Variants in MLKL observed in about 807,000 individuals in gnomAD.
MLKL encodes mixed lineage kinase domain-like protein.
A neutral mutation model predicts 56.5 loss-of-function variants in MLKL; 55 were observed. The observed-to-expected ratio is 0.97, with a 90% CI of 0.78 to 1.22. The LOEUF is 1.22. Ranked by LOEUF, MLKL falls within the 50% of genes most tolerant of loss-of-function variation. MLKL has a pLI of 0.00. For synonymous variants in MLKL, 251 were observed against 208.3 expected (o/e 1.20, Z -1.76); for missense variants, 694 against 573.9 (o/e 1.21, Z -2.14).
At chr16:74,693,754 C>T (rs931979347) in intron 2 of MLKL, among the ~76,000 whole-genome samples, 2 of 151,978 alleles carry the variant, frequency 1.3e-5, no homozygotes, top group Non-Finnish European at 2.9e-5. Context: ...CAGGCGCCCA[C>T]CACCTCGCCC....
At chr16:74,693,453 C>CAAA (rs71158538) in intron 2 of MLKL, among the ~76,000 whole-genome samples, 450 of 35,358 alleles carry the variant, frequency 0.013, 13 homozygotes, top group African/African-American at 0.046. Context: ...GACTCTGTCT[C>CAAA]AAAAAAAAAA....
At chr16:74,687,367 T>G (rs1172192121) in intron 4 of MLKL, among the ~76,000 whole-genome samples, 2 of 152,082 alleles carry the variant, frequency 1.3e-5, no homozygotes, top group African/African-American at 4.8e-5. Flanking sequence ...ATTTTCCAAA[T>G]TGACCTACAG....
At chr16:74,683,806 A>G (rs1282253227) in intron 5 of MLKL, among the ~76,000 whole-genome samples, 1 of 152,116 alleles carries the variant, frequency 6.6e-6, no homozygotes, top group Admixed American at 6.5e-5. Flanking sequence ...TAGGGCACAC[A>G]TGGCAGGGGC....
intron 4 of MLKL, among the ~76,000 whole-genome samples, chr16:74,686,402 G>GA (rs1960330406): frequency 6.6e-6 from 1 of 152,184 alleles, no homozygotes; most frequent in Admixed American, 6.5e-5. Context: ...CGAACATGGT[G>GA]AAACCCCGTC....
chr16:74,691,789 G>C (rs1269197541), intron 3 of MLKL, among the ~76,000 whole-genome samples: 1 of 152,064 alleles, frequency 6.6e-6, no homozygotes, highest in African/African-American at 2.4e-5. Context: ...CTGTTACCCA[G>C]AGCTTGGCAC....
chr16:74,679,863 C>T (rs979047435), intron 6 of MLKL, among the ~76,000 whole-genome samples: 2 of 151,944 alleles, frequency 1.3e-5, no homozygotes, highest in African/African-American at 4.8e-5. Flanking sequence ...AAAGAAGGTG[C>T]TCCCAGGAGA....
At chr16:74,687,085 C>T (rs1015904630) in intron 4 of MLKL, among the ~76,000 whole-genome samples, 1 of 152,082 alleles carries the variant, frequency 6.6e-6, no homozygotes, top group Non-Finnish European at 1.5e-5. Flanking sequence ...AAGCAATTCT[C>T]CTGCCTCAGC....
chr16:74,696,888 G>C (rs1005015391), intron 1 of MLKL, among the ~76,000 whole-genome samples: 19 of 148,528 alleles, frequency 1.3e-4, no homozygotes, highest in African/African-American at 4.4e-4. Flanking sequence ...AACCCAGGGG[G>C]TGGAGGTTGC....
At chr16:74,675,839 C>T in intron 7 of MLKL, 75 bp from the exon 8 acceptor site, 1 of 1,463,316 alleles carries the variant, frequency 6.8e-7, no homozygotes, top group Non-Finnish European at 9.4e-7. Flanking sequence ...ATTGTTGCTA[C>T]ACACAATTGC....
intron 4 of MLKL, among the ~76,000 whole-genome samples, chr16:74,688,089 G>T (rs1057002756): frequency 1.5e-4 from 23 of 152,128 alleles, no homozygotes; most frequent in African/African-American, 5.6e-4. Context: ...CTCCCAAAGT[G>T]CTAGGATTAC....
intron 3 of MLKL, 91 bp downstream of exon 3, chr16:74,692,251 A>T: frequency 8.5e-7 from 1 of 1,172,612 alleles, no homozygotes; most frequent in East Asian, 2.3e-5. Context: ...AAAATGGACA[A>T]ATGCAGGGGT....
At chr16:74,695,870 C>T (rs1961007615) in intron 1 of MLKL, 111 bp from the exon 2 acceptor site, 4 of 948,622 alleles carry the variant, frequency 4.2e-6, no homozygotes, top group Non-Finnish European at 6.1e-6. Context: ...GGAGGTCTCC[C>T]CAGCATTTTC....
At chr16:74,674,736 C>T (rs938640861) in intron 10 of MLKL, among the ~76,000 whole-genome samples, 3 of 152,142 alleles carry the variant, frequency 2.0e-5, no homozygotes, top group Non-Finnish European at 4.4e-5. Context: ...AGCAACCGCA[C>T]CCAGCCATCA....
intron 4 of MLKL, 72 bp downstream of exon 4, chr16:74,691,205 C>G: frequency 1.4e-6 from 2 of 1,406,652 alleles, no homozygotes; most frequent in Non-Finnish European, 9.7e-7. Context: ...AAAATGGAGA[C>G]GATATCCCTC....
Position 74,682,650 on chromosome 16 carries a change from C to G in MLKL, c.956+1G>C. On this transcript the variant is annotated splice_donor_variant, in intron 6 of 10. Transcript: ENST00000308807. LOFTEE classifies it high-confidence loss of function. The stretch of plus-strand genomic sequence containing the variant: ...AGTGGCGCCTTTTCACCCCGTCTTA[C>G]CGGTATAGGCCTCGGGCTGCCCCCA... The G allele has an allele frequency of 6.2e-7, 1 of 1,613,896 alleles. No individual in the cohort carries two copies. The highest frequency in any genetic ancestry group is 8.5e-7 in the Non-Finnish European group (1 of 1,179,976).
chr16:74,686,023 G>A (rs1960306078), intron 4 of MLKL, among the ~76,000 whole-genome samples: 1 of 150,676 alleles, frequency 6.6e-6, no homozygotes, highest in African/African-American at 2.4e-5. Flanking sequence ...GCAGTGGTGC[G>A]ATCTTGGCTC....
chr16:74,689,481 A>G (rs1245110952), intron 4 of MLKL, among the ~76,000 whole-genome samples: 1 of 152,246 alleles, frequency 6.6e-6, no homozygotes, highest in African/African-American at 2.4e-5. Flanking sequence ...TATGTAAAAT[A>G]TATCTCAATA....
chr16:74,682,907 C>T (rs1960082336), intron 5 of MLKL, 121 bp from the exon 6 acceptor site: 6 of 1,186,950 alleles, frequency 5.1e-6, no homozygotes, highest in Non-Finnish European at 7.0e-6. Context: ...CCCATTTCTC[C>T]CCCAATCCTC....
intron 2 of MLKL, among the ~76,000 whole-genome samples, chr16:74,693,966 T>C (rs1390455958): frequency 1.3e-5 from 2 of 152,180 alleles, no homozygotes; most frequent in Non-Finnish European, 2.9e-5. Context: ...GATGGGTGTA[T>C]GTATTGGGTT....
Sources: allele counts gnomAD v4.1 joint callset (sites outside exome capture counted in the v4.1 genomes callset), GRCh38; gene constraint gnomAD v4.1.1; transcripts MANE v1.5; gene names NCBI Gene and HGNC (gene_info 2026-07-23, HGNC 2026-07-21).